Variants in POLN observed in about 807,000 individuals in gnomAD.
The protein encoded by POLN is DNA polymerase N.
A neutral mutation model predicts 113.5 loss-of-function variants in POLN; 108 were observed. The ratio of observed to expected loss-of-function variants is 0.95; its 90% CI spans 0.81 to 1.12. The LOEUF (loss-of-function observed/expected upper bound fraction) is 1.12, where lower values mean the gene tolerates loss of function less well. Ranked by LOEUF, POLN falls within the 50% of genes most tolerant of loss-of-function variation. The pLI, the probability that POLN is intolerant of heterozygous loss-of-function variation, is 0.00. For synonymous variants in POLN, 386 were observed against 391.5 expected, an observed-to-expected ratio of 0.99 and a Z score of 0.17; for missense variants, 1,097 against 1,077.1, an observed-to-expected ratio of 1.02 and a Z score of -0.26.
Position 2,170,789 on chromosome 4 carries a change from A to G in POLN, c.1459-15T>C. On this transcript the variant is annotated splice_polypyrimidine_tract_variant and intron_variant, in intron 12 of 25. Coordinates refer to ENST00000511885, the MANE Select transcript of POLN (RefSeq NM_181808.4). Reference sequence around the variant, plus strand: ...CCAAAGAGGATCTTCAACAAAACAAATTAAACATGGTGAGGGAATCTCACA... The same window carrying G: ...CCAAAGAGGATCTTCAACAAAACAAGTTAAACATGGTGAGGGAATCTCACA... The G allele has an allele frequency of 6.2e-7, 1 of 1,603,960 alleles. No individual in the cohort carries two copies. The highest frequency in any genetic ancestry group is 8.5e-7 in the Non-Finnish European group (1 of 1,170,748).
intron 2 of POLN, among the ~76,000 whole-genome samples, chr4:2,234,930 G>A (rs1354399721): frequency 6.6e-6 from 1 of 152,216 alleles, no homozygotes; most frequent in East Asian, 1.9e-4. Flanking sequence ...CTGTCGCCCA[G>A]GCTGGAGTGC....
chr4:2,209,826 G>A (rs1023682847), intron 4 of POLN, among the ~76,000 whole-genome samples: 17 of 150,394 alleles, frequency 1.1e-4, no homozygotes, highest in African/African-American at 3.2e-4. Context: ...CATATCCAGC[G>A]AATTTTTCTA....
At chr4:2,130,148 G>C (rs1731684820) in intron 17 of POLN, among the ~76,000 whole-genome samples, 1 of 151,966 alleles carries the variant, frequency 6.6e-6, no homozygotes, top group African/African-American at 2.4e-5. Flanking sequence ...CCAGCTACTA[G>C]GGAGGCTGAG....
intron 22 of POLN, 86 bp downstream of exon 22, chr4:2,081,547 T>C (rs1264407787): frequency 3.1e-6 from 4 of 1,273,456 alleles, no homozygotes; most frequent in Non-Finnish European, 4.5e-6. Flanking sequence ...ACCGCAACAG[T>C]GATCGGTGGG....
rs780313036 is a variant in POLN at position 2,126,651 on chromosome 4, C to A, written c.1982+1462G>T. Reference sequence around the variant, plus strand: ...AGTGGAGACCAGAGAGGAGCGGCGCCGTGCCCAGCATCAGGGGAGGGTGGT... The same window carrying A: ...AGTGGAGACCAGAGAGGAGCGGCGCAGTGCCCAGCATCAGGGGAGGGTGGT... On this transcript the variant is annotated intron_variant, in intron 19 of 25. Coordinates refer to ENST00000511885, the MANE Select transcript of POLN (RefSeq NM_181808.4). This position sits in a 1 kb window ranked among gnomAD's most constrained non-coding sequence, Gnocchi z 4.6. Among the ~76,000 whole-genome samples, 30 of 152,034 alleles carry A rather than the reference C, an allele frequency of 2.0e-4. No homozygotes were observed. The highest frequency in any genetic ancestry group is 2.4e-4 in the Non-Finnish European group (16 of 68,014).
chr4:2,184,769 A>G (rs1027261460), intron 7 of POLN, among the ~76,000 whole-genome samples: 4 of 152,218 alleles, frequency 2.6e-5, no homozygotes, highest in African/African-American at 9.6e-5. Flanking sequence ...CAAATCAAAG[A>G]AGATGCCCAG....
chr4:2,191,798 A>G (rs146266222), intron 7 of POLN, among the ~76,000 whole-genome samples: 236 of 152,314 alleles, frequency 1.5e-3, no homozygotes, highest in African/African-American at 5.2e-3. Context: ...CAAAGGATCC[A>G]GGAAGTGGCA....
intron 20 of POLN, chr4:2,089,836 T>A: frequency 1.2e-6 from 1 of 869,378 alleles, no homozygotes; most frequent in Non-Finnish European, 1.9e-6. Context: ...CAAATCAGCA[T>A]CTAGGTTCTT....
chr4:2,087,354 G>A (rs1730572946), intron 20 of POLN, among the ~76,000 whole-genome samples: 1 of 152,190 alleles, frequency 6.6e-6, no homozygotes, highest in Non-Finnish European at 1.5e-5. Context: ...CTCACCTAGT[G>A]CCTCAGCTAT....
At chr4:2,182,974 T>C (rs182546722) in intron 7 of POLN, among the ~76,000 whole-genome samples, 2 of 152,116 alleles carry the variant, frequency 1.3e-5, no homozygotes, top group East Asian at 3.9e-4. Context: ...AAAAAGACAA[T>C]GCAATTTTAA....
intron 23 of POLN, chr4:2,078,776 T>C (rs1730336400): frequency 8.1e-6 from 8 of 985,356 alleles, no homozygotes; most frequent in African/African-American, 1.7e-5. Context: ...TGACAGCCAA[T>C]GGCTGATGAC....
intron 2 of POLN, chr4:2,234,236 T>G (rs1734679691): frequency 6.6e-6 from 1 of 152,178 alleles, no homozygotes; most frequent in African/African-American, 2.4e-5. Flanking sequence ...CTGAGGGTCT[T>G]TAGAAGTTAG....
At chr4:2,173,508 C>CAT (rs33977254) in intron 11 of POLN, among the ~76,000 whole-genome samples, 4 of 149,010 alleles carry the variant, frequency 2.7e-5, no homozygotes, top group South Asian at 2.1e-4. Flanking sequence ...TCATCTTTGC[C>CAT]CCGCCCCGCC....
intron 20 of POLN, among the ~76,000 whole-genome samples, chr4:2,088,042 G>A (rs1472552837): frequency 6.6e-6 from 1 of 151,944 alleles, no homozygotes; most frequent in Non-Finnish European, 1.5e-5. Flanking sequence ...ATTTTGAAGT[G>A]TTTATTTAGG....
intron 5 of POLN, among the ~76,000 whole-genome samples, chr4:2,204,073 C>T (rs1232239891): frequency 8.3e-6 from 1 of 120,698 alleles, no homozygotes; most frequent in East Asian, 2.7e-4. Flanking sequence ...CGCGCCATTA[C>T]ACTCCAGCCT....
In POLN at chr4:2,139,216, G is replaced by A. The variant is rs574505993; in HGVS notation, c.1732-7926C>T. Among the ~76,000 whole-genome samples, 3 of 152,296 alleles carry A rather than the reference G, an allele frequency of 2.0e-5. No homozygotes were observed. In the South Asian group the frequency reaches 6.2e-4, roughly 32 times the overall value. On this transcript the variant is annotated intron_variant, in intron 16 of 25. Transcript: ENST00000511885. Reference sequence around the variant, plus strand: ...GGAGAGGGAGGAGCCACGGAAACGGGCCAGGCCCCCAGGGGGAAGCGTGAG... The same window carrying A: ...GGAGAGGGAGGAGCCACGGAAACGGACCAGGCCCCCAGGGGGAAGCGTGAG...
Position 2,101,990 on chromosome 4 carries a change from G to C in POLN, c.1983-6057C>G, listed in dbSNP as rs183884033. Among the ~76,000 whole-genome samples, 9 of 152,236 alleles carry C rather than the reference G, an allele frequency of 5.9e-5. No homozygotes were observed. In the East Asian group the frequency reaches 1.7e-3, roughly 29 times the overall value. On this transcript the variant is annotated intron_variant, in intron 19 of 25. Coordinates refer to ENST00000511885, the MANE Select transcript of POLN (RefSeq NM_181808.4). Reference sequence around the variant, plus strand: ...ACAGCTGGGATGGGGGAGGATGCCTGGATTGGACTGGGGTGTGAGAGGGAC... The same window carrying C: ...ACAGCTGGGATGGGGGAGGATGCCTCGATTGGACTGGGGTGTGAGAGGGAC...
At chr4:2,238,968 T>C (rs150632522) in intron 2 of POLN, 32 of 1,587,234 alleles carry the variant, frequency 2.0e-5, no homozygotes, top group Admixed American at 3.8e-5. Flanking sequence ...TTTATTTGAG[T>C]GACCTCTTTT....
At chr4:2,219,020 C>G (rs925965921) in intron 3 of POLN, among the ~76,000 whole-genome samples, 2 of 152,154 alleles carry the variant, frequency 1.3e-5, no homozygotes, top group Admixed American at 6.5e-5. Flanking sequence ...ACTATCTTTG[C>G]TGGGAAGGCA....
Sources: gnomAD v4.1 joint callset for allele counts (sites outside exome capture counted in the v4.1 genomes callset) on GRCh38, gnomAD v4.1.1 for gene constraint, Gnocchi (gnomAD v3.1) non-coding constraint, MANE v1.5 for transcripts, NCBI Gene and HGNC (gene_info 2026-07-23, HGNC 2026-07-21) for gene names.